Variants in SIDT1 observed in about 807,000 individuals in gnomAD.
The protein encoded by SIDT1 is SID1 transmembrane family, member 1.
A neutral mutation model predicts 107.5 loss-of-function variants in SIDT1; 101 were observed. The observed-to-expected ratio is 0.94, with a 90% CI of 0.80 to 1.11. SIDT1 has a LOEUF of 1.11. Among genes scored for constraint, SIDT1 ranks in the 50% least tolerant of loss-of-function variants. The pLI is 0.00. For synonymous variants in SIDT1, 395 were observed against 398.2 expected, an observed-to-expected ratio of 0.99 and a Z score of 0.10; for missense variants, 1,076 against 1,058.2, an observed-to-expected ratio of 1.02 and a Z score of -0.23.
At chr3:113,586,654 T>C (rs1943765048) in intron 9 of SIDT1, among the ~76,000 whole-genome samples, 1 of 152,116 alleles carries the variant, frequency 6.6e-6, no homozygotes, top group South Asian at 2.1e-4. Context: ...AAATAGTAGA[T>C]ATACAGTAAG....
intron 1 of SIDT1, among the ~76,000 whole-genome samples, chr3:113,542,934 G>T (rs866934831): frequency 7.1e-6 from 1 of 141,468 alleles, no homozygotes; most frequent in African/African-American, 2.8e-5. Context: ...GTGTGTGTGT[G>T]TGTGTTTGTT....
At chr3:113,541,067 G>C (rs76414185) in intron 1 of SIDT1, among the ~76,000 whole-genome samples, 1 of 151,488 alleles carries the variant, frequency 6.6e-6, no homozygotes. Flanking sequence ...TAGCCATTAC[G>C]AGCTATATTG....
At chr3:113,587,051 A>G (rs1943793178) in intron 9 of SIDT1, among the ~76,000 whole-genome samples, 1 of 152,216 alleles carries the variant, frequency 6.6e-6, no homozygotes, top group Non-Finnish European at 1.5e-5. Context: ...TATCACATCA[A>G]TGTTAAATTT....
In SIDT1 at chr3:113,576,790, C is replaced by T. The variant is rs1021774330; in HGVS notation, c.516-132C>T. 4 of 903,536 alleles carry T rather than the reference C, an allele frequency of 4.4e-6. No individual in the cohort carries two copies. The African/African-American group carries it at 6.6e-5, about 15-fold the overall frequency. 56.0% of individuals were successfully genotyped at this position (903,536 alleles called of 1,614,324 possible). A position where few individuals can be genotyped will look rare whatever the true frequency, so the allele number is the denominator to read the frequency against. ...TTGTCAGTTTCACGGAACCGGAACT[C>T]CCCTCACCAAGGGTGAAGCTCTCCT... On this transcript the variant is annotated intron_variant, in intron 3 of 24. Transcript: ENST00000264852.
intron 16 of SIDT1, 60 bp downstream of exon 16, chr3:113,608,277 G>A (rs1945484404): frequency 6.4e-7 from 1 of 1,554,712 alleles, no homozygotes; most frequent in South Asian, 1.2e-5. Context: ...ATCTGCAAAG[G>A]GGTGGGACAT....
At chr3:113,548,803 T>G (rs934218032) in intron 1 of SIDT1, among the ~76,000 whole-genome samples, 1 of 152,136 alleles carries the variant, frequency 6.6e-6, no homozygotes. Flanking sequence ...TTTTTACAAT[T>G]TACTACTCTT....
chr3:113,580,513 CACGGAGATTT>C (rs1943244035), intron 4 of SIDT1, 85 bp from the exon 5 acceptor site: 1 of 690,800 alleles, frequency 1.4e-6, no homozygotes, highest in African/African-American at 2.1e-5. Context: ...AATGGAGATT[CACGGAGATTT>C]ACGTATAAAT....
intron 1 of SIDT1, among the ~76,000 whole-genome samples, chr3:113,543,440 T>A (rs1197102344): frequency 6.6e-6 from 1 of 152,202 alleles, no homozygotes; most frequent in Non-Finnish European, 1.5e-5. Flanking sequence ...CTCAGAGCCA[T>A]CAGAGCTCCA....
At position 113,605,124 on chromosome 3, in the gene SIDT1, C is replaced by CTTTTTTTTTTTTTTTTT. The variant is rs5851901; in HGVS notation, c.1404+150_1404+166dup. ...CAATTGGAATTCACTATTGCTTCCT[C>CTTTTTTTTTTTTTTTTT]TTTTTTTTTTTTTTTTTTGACGGAG... On this transcript the variant is annotated intron_variant, in intron 14 of 24. Coordinates refer to ENST00000264852, the MANE Select transcript of SIDT1 (RefSeq NM_017699.3). The CTTTTTTTTTTTTTTTTT allele has an allele frequency of 3.5e-5, 12 of 347,054 alleles. 1 individual carries two copies. The highest frequency in any genetic ancestry group is 1.0e-4 in the African/African-American group (4 of 39,310). 21.5% of individuals were successfully genotyped at this position (347,054 alleles called of 1,614,324 possible). A position where few individuals can be genotyped will look rare whatever the true frequency, so the allele number is the denominator to read the frequency against.
intron 1 of SIDT1, among the ~76,000 whole-genome samples, chr3:113,551,333 T>C (rs924529450): frequency 6.6e-6 from 1 of 152,202 alleles, no homozygotes; most frequent in African/African-American, 2.4e-5. Context: ...TCAAAGTACC[T>C]TTTAAATCTC....
chr3:113,595,433 A>T (rs767656091), intron 10 of SIDT1, among the ~76,000 whole-genome samples: 2 of 152,132 alleles, frequency 1.3e-5, no homozygotes, highest in Non-Finnish European at 2.9e-5. Flanking sequence ...AAACAAAATT[A>T]GGTGGGCGTG....
rs1946095181 is a variant in SIDT1, at chr3:113,616,230, T to G, written c.2043+54T>G. On this transcript the variant is annotated intron_variant, in intron 20 of 24. Transcript: ENST00000264852. The stretch of plus-strand genomic sequence containing the variant: ...CCTGTCCCAGAAAGCAGGGGAATAG[T>G]AGGAGGAACAGGCTTGGGGCAGTCA... 6 of 1,385,652 alleles carry G rather than the reference T, an allele frequency of 4.3e-6. No individual in the cohort carries two copies. The African/African-American group carries it at 8.5e-5, about 20-fold the overall frequency. 85.8% of individuals were successfully genotyped at this position (1,385,652 alleles called of 1,614,324 possible).
At position 113,619,697 on chromosome 3, in the gene SIDT1, G is replaced by T. The variant is rs762268671; in HGVS notation, c.2061G>T (p.Leu687=). The change falls in exon 21 of 25, where the codon CTG becomes CTT. Residue 687 remains leucine, a synonymous_variant. Coordinates refer to ENST00000264852, the MANE Select transcript of SIDT1 (RefSeq NM_017699.3). ...RPLYMDRMVL[L]VVGNLVNWSF... is the part of the protein sequence containing the mutation. ...TTTTCCAGGATAGAATGGTGTTGCT[G>T]GTTGTGGGGAATCTGGTTAACTGGT... 1.6e-5 allele frequency: 26 copies of T among 1,613,946 alleles called. No individual in the cohort carries two copies. Among genetic ancestry groups the T allele is most frequent in the Non-Finnish European group, 2.1e-5 (25 of 1,179,970 alleles).
At chr3:113,626,718 A>AT (rs1946877081) in intron 24 of SIDT1, among the ~76,000 whole-genome samples, 1 of 151,748 alleles carries the variant, frequency 6.6e-6, no homozygotes, top group Non-Finnish European at 1.5e-5. Flanking sequence ...TAGTTTCTCT[A>AT]TTTTTTTGCC....
At chr3:113,617,025 T>C (rs1258502570) in intron 20 of SIDT1, among the ~76,000 whole-genome samples, 1 of 152,102 alleles carries the variant, frequency 6.6e-6, no homozygotes, top group East Asian at 1.9e-4. Context: ...TAAAAATAAA[T>C]GAACAGTGAT....
rs994007671 is a variant in SIDT1 at position 113,629,033 on chromosome 3, C to T, written c.*1325C>T. 4 of 152,126 alleles carry T rather than the reference C, an allele frequency of 2.6e-5. No individual in the cohort carries two copies. Among genetic ancestry groups the T allele is most frequent in the African/African-American group, 9.7e-5 (4 of 41,424 alleles). The allele number at this position is 152,126 out of a possible 1,614,324, so 9.4% of individuals were successfully genotyped here. A position where few individuals can be genotyped will look rare whatever the true frequency, so the allele number is the denominator to read the frequency against. Reference sequence around the variant, plus strand: ...GAGTATGACGTAATCAGAAAATAGACGTATAAATGTGCACATGCGTATGTA... The same window carrying T: ...GAGTATGACGTAATCAGAAAATAGATGTATAAATGTGCACATGCGTATGTA... On this transcript the variant is annotated 3_prime_UTR_variant, in exon 25 of 25. Transcript: ENST00000264852.
chr3:113,534,459 C>T (rs1313583619), intron 1 of SIDT1, among the ~76,000 whole-genome samples: 1 of 152,196 alleles, frequency 6.6e-6, no homozygotes, highest in African/African-American at 2.4e-5. Context: ...CCTCACCCTG[C>T]TCTGTCCTCC....
intron 20 of SIDT1, among the ~76,000 whole-genome samples, chr3:113,616,931 G>T (rs892144766): frequency 6.6e-6 from 1 of 151,988 alleles, no homozygotes; most frequent in Non-Finnish European, 1.5e-5. Flanking sequence ...CAGGTGATCC[G>T]CCCACCTTGG....
rs1028990164 is a variant in SIDT1, at chr3:113,577,811, C to T, written c.561+844C>T. ...TGGACTTGTTGTAAATATACTACTG[C>T]GGTGCTGGTAAATAGTTAAGAACTG... On this transcript the variant is annotated intron_variant, in intron 4 of 24. Transcript: ENST00000264852. Among the ~76,000 whole-genome samples, 6 of 152,168 alleles carry T rather than the reference C, an allele frequency of 3.9e-5. No homozygotes were observed. The East Asian group carries it at 5.8e-4, about 15-fold the overall frequency.
Sources: allele counts gnomAD v4.1 joint callset (sites outside exome capture counted in the v4.1 genomes callset), GRCh38; gene constraint gnomAD v4.1.1; transcripts MANE v1.5; gene names NCBI Gene and HGNC (gene_info 2026-07-23, HGNC 2026-07-21).